ANAPC2: variants seen among roughly 807,000 people sequenced by gnomAD.
ANAPC2 encodes the protein anaphase-promoting complex subunit 2.
ANAPC2 carries 29 observed loss-of-function variants against 84.3 expected under a neutral mutation model. The observed-to-expected ratio is 0.34, with a 90% CI of 0.26 to 0.47. The LOEUF (loss-of-function observed/expected upper bound fraction) is 0.47, where lower values mean the gene tolerates loss of function less well. ANAPC2 is among the 20% of genes least tolerant of loss of function. ANAPC2 has a pLI of 1.00. For missense variants in ANAPC2, 857 were observed against 1,131.7 expected (o/e 0.76, Z 3.48); for synonymous variants, 571 against 479.4 (o/e 1.19, Z -2.50).
Position 137,181,667 on chromosome 9 carries a change from T to C in ANAPC2, c.1468+14A>G. On this transcript the variant is annotated intron_variant, in intron 7 of 12. Coordinates refer to ENST00000323927, the MANE Select transcript of ANAPC2 (RefSeq NM_013366.4). Reference sequence around the variant, plus strand: ...CCCCACACTGGTGAAAGGGACCATGTGGGGCAAGCTAACCTGGATCGGCAT... The same window carrying C: ...CCCCACACTGGTGAAAGGGACCATGCGGGGCAAGCTAACCTGGATCGGCAT... 6.3e-7 allele frequency: 1 copy of C among 1,579,880 alleles called. No homozygotes were observed. Among genetic ancestry groups the C allele is most frequent in the Non-Finnish European group, 8.6e-7 (1 of 1,158,936 alleles).
chr9:137,187,922 T>A lies in ANAPC2; in HGVS notation c.299A>T (p.Asn100Ile). The A allele has an allele frequency of 6.2e-7, 1 of 1,613,142 alleles. No individual in the cohort carries two copies. The highest frequency in any genetic ancestry group is 8.5e-7 in the Non-Finnish European group (1 of 1,179,838). ...EFWNAISQCE[N>I]SADEPQCLLL... ...AAGGCACTGGGGCTCATCCGCAGAGTTCTCGCATTGGGAGATGGCATTCCA... is the reference window on the plus strand; with the variant it reads ...AAGGCACTGGGGCTCATCCGCAGAGATCTCGCATTGGGAGATGGCATTCCA... The change falls in exon 2 of 13, where the codon AAC (asparagine) becomes ATC (isoleucine). Residue 100 changes from asparagine (N) to isoleucine (I), a missense_variant. Asn to Ile is a moderately radical substitution (Grantham distance 149). Transcript: ENST00000323927.
chr9:137,175,880 C>T (rs373841758), intron 10 of ANAPC2, 43 bp from the exon 11 acceptor site: 98 of 1,550,898 alleles, frequency 6.3e-5, no homozygotes, highest in East Asian at 1.9e-4. Flanking sequence ...GGCTGCAGGG[C>T]GCTCAGGCCC....
rs1284113271 is a variant in ANAPC2, at chr9:137,187,486, C to T, written c.735G>A (p.Gln245=). ...QALEQFHQLS[Q]VLHRLSLLER... The stretch of plus-strand genomic sequence containing the variant: ...CATCGGGACAGACTACTCACAAGAC[C>T]TGGCTGAGCTGATGGAACTGCTCCA... Residue 245 remains glutamine, a synonymous_variant, in exon 2 of 13, where the codon CAG becomes CAA. Coordinates refer to ENST00000323927, the MANE Select transcript of ANAPC2 (RefSeq NM_013366.4). 2 of 1,605,074 alleles carry T rather than the reference C, an allele frequency of 1.2e-6. No homozygotes were observed. The highest frequency in any genetic ancestry group is 2.2e-5 in the East Asian group (1 of 44,674).
chr9:137,187,881 C>T lies in ANAPC2; in HGVS notation c.340G>A (p.Ala114Thr). 6.2e-7 allele frequency: 1 copy of T among 1,613,750 alleles called. No homozygotes were observed. The highest frequency in any genetic ancestry group is 8.5e-7 in the Non-Finnish European group (1 of 1,180,046). The change falls in exon 2 of 13, where the codon GCT (alanine) becomes ACT (threonine). Residue 114 changes from alanine (A) to threonine (T), a missense_variant. By Grantham distance (58) the Ala-to-Thr change is moderately conservative. Transcript: ENST00000323927. ...AGGCGGCTCTCCAGCAGGCCAAAAGCGTCAAGGAGTAGCAAAAGGCACTGG... is the reference window on the plus strand; with the variant it reads ...AGGCGGCTCTCCAGCAGGCCAAAAGTGTCAAGGAGTAGCAAAAGGCACTGG... The part of the protein sequence containing the change: ...EPQCLLLLLD[A>T]FGLLESRLDP...
rs1251898452 is a variant in ANAPC2 at position 137,175,793 on chromosome 9, G to C, written c.1935C>G (p.Thr645=). 3.1e-6 allele frequency: 5 copies of C among 1,610,360 alleles called. No individual in the cohort carries two copies. In the East Asian group the frequency reaches 1.1e-4, roughly 36 times the overall value. ...TGCGGTCGGCCAGCTCCACGTCCAT[G>C]GTCACCAGGCCCAGGGTGTGCTTCC... The part of the protein sequence containing the change: ...LSWKHTLGLV[T]MDVELADRTL... Residue 645 remains threonine, a synonymous_variant, in exon 11 of 13, where the codon ACC becomes ACG. Transcript: ENST00000323927.
chr9:137,184,762 C>T (rs371298083), intron 4 of ANAPC2, 151 bp downstream of exon 4: 23 of 1,029,122 alleles, frequency 2.2e-5, no homozygotes, highest in Middle Eastern at 3.1e-4. Flanking sequence ...AGAGCAGACA[C>T]GGCAAAGGCC....
rs1443416995 is a variant in ANAPC2, at chr9:137,188,397, C to A, written c.117+19G>T. On this transcript the variant is annotated intron_variant, in intron 1 of 12. Coordinates refer to ENST00000323927, the MANE Select transcript of ANAPC2 (RefSeq NM_013366.4). The stretch of plus-strand genomic sequence containing the variant: ...CCGGAAACTCCGCGCGGGGCCGCCC[C>A]TCTCTTCCCAGGCCTCACCAGCCCC... 1.2e-6 allele frequency: 2 copies of A among 1,600,654 alleles called. No individual in the cohort carries two copies. The highest frequency in any genetic ancestry group is 1.7e-6 in the Non-Finnish European group (2 of 1,176,916).
intron 10 of ANAPC2, 107 bp from the exon 11 acceptor site, chr9:137,175,944 C>T: frequency 1.4e-6 from 2 of 1,385,952 alleles, no homozygotes; most frequent in Non-Finnish European, 1.9e-6. Flanking sequence ...GCCACCTGCC[C>T]CACCCCACCC....
rs962251880 is a variant in ANAPC2, at chr9:137,175,377, G to A, written c.2116C>T (p.Arg706Cys). The change falls in exon 12 of 13, where the codon CGT (arginine) becomes TGT (cysteine). Residue 706 changes from arginine (R) to cysteine (C), a missense_variant. By Grantham distance (180) the Arg-to-Cys change is radical. Coordinates refer to ENST00000323927, the MANE Select transcript of ANAPC2 (RefSeq NM_013366.4). ...MSVWLQQGVL[R>C]EEPPGTFSVI... ...GAGAAGGTGCCGGGGGGCTCCTCAC[G>A]CAGCACACCCTGCTGCAGCCACACG... 1.2e-6 allele frequency: 2 copies of A among 1,610,718 alleles called. No individual in the cohort carries two copies. The highest frequency in any genetic ancestry group is 1.7e-6 in the Non-Finnish European group (2 of 1,179,218).
intron 6 of ANAPC2, 122 bp from the exon 7 acceptor site, chr9:137,181,984 T>G: frequency 9.4e-7 from 1 of 1,059,830 alleles, no homozygotes; most frequent in South Asian, 1.6e-5. Context: ...CACTCAGTGG[T>G]GATGGGCTAT....
rs747655033 is a variant in ANAPC2 at position 137,180,235 on chromosome 9, G to A, written c.1836C>T (p.Pro612=). The change falls in exon 10 of 13, where the codon CCC becomes CCT. Residue 612 remains proline, a synonymous_variant. Coordinates refer to ENST00000323927, the MANE Select transcript of ANAPC2 (RefSeq NM_013366.4). Reference sequence around the variant, plus strand: ...CCTCCAGGGCTGCCCTGATATCCTCGGGGACCTCCAGCTTCTCGTCCTTGA... The same window carrying A: ...CCTCCAGGGCTGCCCTGATATCCTCAGGGACCTCCAGCTTCTCGTCCTTGA... The part of the protein sequence containing the change: ...PPFKDEKLEV[P]EDIRAALEAY... The A allele has an allele frequency of 6.8e-6, 11 of 1,613,808 alleles. No individual in the cohort carries two copies. Among genetic ancestry groups the A allele is most frequent in the East Asian group, 2.2e-5 (1 of 44,884 alleles).
In ANAPC2 at chr9:137,185,060, C is replaced by T. The variant is rs772054115; in HGVS notation, c.901G>A (p.Gly301Ser). The change falls in exon 4 of 13, where the codon GGC becomes AGC. Residue 301 changes from glycine (G) to serine (S), a missense_variant. By Grantham distance (56) the Gly-to-Ser change is moderately conservative. Coordinates refer to ENST00000323927, the MANE Select transcript of ANAPC2 (RefSeq NM_013366.4). Reference sequence around the variant, plus strand: ...GGGCCGTCCTGCAGGAACACCTTGCCGAGCCAGCCGACCACCCGCTCGATC... The same window carrying T: ...GGGCCGTCCTGCAGGAACACCTTGCTGAGCCAGCCGACCACCCGCTCGATC... ...KWIERVVGWLGKVFLQDGPAR... is the reference protein window; with the variant it reads ...KWIERVVGWLSKVFLQDGPAR... The T allele has an allele frequency of 1.9e-5, 30 of 1,550,866 alleles. No homozygotes were observed. Among genetic ancestry groups the T allele is most frequent in the South Asian group, 4.8e-5 (4 of 84,166 alleles).
intron 7 of ANAPC2, among the ~76,000 whole-genome samples, chr9:137,181,446 G>A (rs917029345): frequency 6.6e-6 from 1 of 152,208 alleles, no homozygotes; most frequent in Admixed American, 6.5e-5. Context: ...AGCGGTGGGA[G>A]GCAGGGCATC....
At chr9:137,183,924 G>A (rs1834397310) in intron 4 of ANAPC2, 133 bp from the exon 5 acceptor site, 2 of 1,212,196 alleles carry the variant, frequency 1.6e-6, no homozygotes, top group South Asian at 2.8e-5. Flanking sequence ...CACCTGCTAG[G>A]CACCAGACAT....
At chr9:137,186,767 T>C (rs1340717036) in intron 2 of ANAPC2, 1 of 193,222 alleles carries the variant, frequency 5.2e-6, no homozygotes, top group African/African-American at 2.3e-5. Flanking sequence ...CAGTCTCTGG[T>C]CTACAGTGAC....
intron 8 of ANAPC2, 49 bp from the exon 9 acceptor site, chr9:137,180,576 A>G (rs993906202): frequency 3.4e-5 from 55 of 1,609,846 alleles, no homozygotes; most frequent in Non-Finnish European, 1.7e-6. Flanking sequence ...CCCCAGCCCC[A>G]AGGAGCACCT....
At chr9:137,188,209 T>A in intron 1 of ANAPC2, 106 bp from the exon 2 acceptor site, 1 of 1,435,534 alleles carries the variant, frequency 7.0e-7, no homozygotes, top group Non-Finnish European at 9.3e-7. Context: ...CGCTGCCCCC[T>A]GTCCGTGCTG....
At chr9:137,180,664 C>T (rs1834324324) in intron 8 of ANAPC2, 124 bp downstream of exon 8, 2 of 1,566,010 alleles carry the variant, frequency 1.3e-6, no homozygotes, top group Non-Finnish European at 1.7e-6. Flanking sequence ...CACCCCCAGC[C>T]AGGAGTGGGG....
At chr9:137,176,957 ATACTC>A (rs1834232416) in intron 10 of ANAPC2, 1 of 152,268 alleles carries the variant, frequency 6.6e-6, no homozygotes, top group Admixed American at 6.5e-5. Context: ...GATCTGAAAA[ATACTC>A]TATCCAGGCA....
Sources: allele counts gnomAD v4.1 joint callset (sites outside exome capture counted in the v4.1 genomes callset), GRCh38; gene constraint gnomAD v4.1.1; transcripts MANE v1.5; gene names NCBI Gene and HGNC (gene_info 2026-07-23, HGNC 2026-07-21).